The following AANAT variants were observed in gnomAD, a reference collection of about 807,000 sequenced individuals.
AANAT encodes serotonin N-acetyltransferase.
In AANAT, 11 loss-of-function variants were observed where a neutral mutation model predicts 15.6. The ratio of observed to expected loss-of-function variants is 0.71; its 90% confidence interval spans 0.44 to 1.17. The LOEUF (loss-of-function observed/expected upper bound fraction) is 1.17. Ranked by LOEUF, AANAT falls within the 50% of genes most tolerant of loss-of-function variation. The pLI is 0.00. For synonymous variants in AANAT, 139 were observed against 131.5 expected (o/e 1.06, Z -0.39); for missense variants, 286 against 296.3 (o/e 0.97, Z 0.26).
upstream of AANAT, among the ~76,000 whole-genome samples, chr17:76,463,295 T>A (rs1167922031): frequency 7.0e-6 from 1 of 142,118 alleles, no homozygotes; most frequent in Non-Finnish European, 1.5e-5. Context: ...CATTTCTCCC[T>A]TCTGGAAGGA....
At chr17:76,467,970 C>T (rs1319283427) in intron 1 of AANAT, among the ~76,000 whole-genome samples, 1 of 152,098 alleles carries the variant, frequency 6.6e-6, no homozygotes, top group Middle Eastern at 3.2e-3. Flanking sequence ...ATGCACTCTC[C>T]TTGCCTGCTC....
At chr17:76,453,422 G>A (rs2073299950) in exon 1 of AANAT, 1 of 281,416 alleles carries the variant, frequency 3.6e-6, no homozygotes, top group East Asian at 6.2e-5. Context: ...CGGGGACCCG[G>A]GAGGAGGAAG....
chr17:76,469,938 C>A lies in AANAT; in HGVS notation c.592C>A (p.His198Asn). The change falls in exon 4 of 4, where the codon CAC becomes AAC. Residue 198 changes from histidine (H) to asparagine (N), a missense_variant. Transcript: ENST00000392492. This position sits in a 1 kb window ranked among gnomAD's most constrained non-coding sequence, Gnocchi z 5.2. ...GGAGCTCCACTGCTCCCTGCGGGGC[C>A]ACCCCTTCCTGCGCAGGAACAGCGG... ...FMELHCSLRG[H>N]PFLRRNSGC The A allele has an allele frequency of 6.5e-7, 1 of 1,529,388 alleles. No homozygotes were observed. The highest frequency in any genetic ancestry group is 2.4e-5 in the East Asian group (1 of 41,416). 94.7% of individuals were successfully genotyped at this position (1,529,388 alleles called of 1,614,324 possible).
intron 2 of AANAT, among the ~76,000 whole-genome samples, chr17:76,461,156 T>G (rs1286556393): frequency 6.9e-6 from 1 of 145,800 alleles, no homozygotes; most frequent in African/African-American, 2.5e-5. Flanking sequence ...CAGAGTGAGA[T>G]TCCATCTTAA....
rs1377229966 is a variant in AANAT at position 76,469,312 on chromosome 17, GGA to G, written c.308_309del (p.Arg103ThrfsTer66). 6.2e-7 allele frequency: 1 copy of G among 1,614,042 alleles called. No individual in the cohort carries two copies. Among genetic ancestry groups the G allele is most frequent in the Non-Finnish European group, 8.5e-7 (1 of 1,180,026 alleles). The stretch of plus-strand genomic sequence containing the variant: ...TCATCATCGGCTCGCTCTGGGACAA[GGA>G]GAGACTCATGCAGGTGAGGACAGGG... ...AFIIGSLWDK[E>X]RLMQESLTLH... On this transcript the variant is annotated frameshift_variant, in exon 3 of 4. Coordinates refer to ENST00000392492, the MANE Select transcript of AANAT (RefSeq NM_001088.3). LOFTEE classifies it high-confidence loss of function. The surrounding 1 kb of genome is among the most constrained non-coding windows in gnomAD (Gnocchi z 5.2).
chr17:76,465,954 A>T, upstream of AANAT: 1 of 553,412 alleles, frequency 1.8e-6, no homozygotes, highest in Non-Finnish European at 3.3e-6. Flanking sequence ...GGCTCAAGCC[A>T]TCCTCCCGTC....
upstream of AANAT, chr17:76,465,844 TA>T (rs879737352): frequency 3.2e-5 from 10 of 308,096 alleles, no homozygotes; most frequent in Admixed American, 2.8e-4. Flanking sequence ...GCCTCATCTT[TA>T]AAAAAAATTT....
rs145733417 is a variant in AANAT, at chr17:76,468,976, C to A, written c.163+67C>A. 304 of 1,540,204 alleles carry A rather than the reference C, an allele frequency of 2.0e-4. 1 individual carries two copies. The highest frequency in any genetic ancestry group is 1.3e-3 in the Admixed American group (77 of 57,566). On this transcript the variant is annotated intron_variant, in intron 2 of 3. Coordinates refer to ENST00000392492, the MANE Select transcript of AANAT (RefSeq NM_001088.3). ...GTCCAGTTATCCTGTGGGGAGGAGA[C>A]CCTTAGTCTCCTGTCCTTGGAGGCT...
chr17:76,456,852 A>G (rs55684995), intron 1 of AANAT, among the ~76,000 whole-genome samples: 85,382 of 152,008 alleles, frequency 0.56, 25,385 homozygotes, highest in South Asian at 0.68. Context: ...CATTTTACCA[A>G]TGAAGAAATA....
rs1017496397 is a variant in AANAT at position 76,469,041 on chromosome 17, T to C, written c.163+132T>C. On this transcript the variant is annotated intron_variant, in intron 2 of 3. Transcript: ENST00000392492. The surrounding 1 kb of genome is among the most constrained non-coding windows in gnomAD (Gnocchi z 5.2). The stretch of plus-strand genomic sequence containing the variant: ...CAGACCATGTGTGCGCTCAAGAAAG[T>C]GGGGGAAACAGCAGCCCTAACCCCC... The C allele has an allele frequency of 8.0e-6, 12 of 1,494,418 alleles. No individual in the cohort carries two copies. The East Asian group carries it at 1.6e-4, about 20-fold the overall frequency. The allele number at this position is 1,494,418 out of a possible 1,614,324, so 92.6% of individuals were successfully genotyped here. A position where few individuals can be genotyped will look rare whatever the true frequency, so the allele number is the denominator to read the frequency against.
At chr17:76,456,676 A>G (rs927006893) in intron 1 of AANAT, among the ~76,000 whole-genome samples, 6 of 152,290 alleles carry the variant, frequency 3.9e-5, no homozygotes, top group Admixed American at 3.9e-4. Flanking sequence ...GCAGTAACAT[A>G]GTAGCTTCTG....
upstream of AANAT, chr17:76,466,328 T>A: frequency 9.9e-7 from 1 of 1,006,718 alleles, no homozygotes; most frequent in Non-Finnish European, 1.4e-6. Flanking sequence ...TGAGGGTCCC[T>A]TCTAGCAGGC....
chr17:76,465,342 G>A (rs1200619148), upstream of AANAT, among the ~76,000 whole-genome samples: 1 of 109,876 alleles, frequency 9.1e-6, no homozygotes, highest in Admixed American at 1.2e-4. Flanking sequence ...CCTGAGGTCA[G>A]GATTTTTTTT....
chr17:76,467,672 C>A lies in AANAT; in HGVS notation c.-131C>A, dbSNP rs985239101. 1 of 985,536 alleles carries A rather than the reference C, an allele frequency of 1.0e-6. No individual in the cohort carries two copies. Among genetic ancestry groups the A allele is most frequent in the East Asian group, 1.1e-4 (1 of 8,820 alleles). 61.0% of individuals were successfully genotyped at this position (985,536 alleles called of 1,614,324 possible). A position where few individuals can be genotyped will look rare whatever the true frequency, so the allele number is the denominator to read the frequency against. On this transcript the variant is annotated 5_prime_UTR_variant, in exon 1 of 4. Coordinates refer to ENST00000392492, the MANE Select transcript of AANAT (RefSeq NM_001088.3). ...ACTGGTTCCCGTGCCTGCGGACAGGCCCCCAGGGCTAGCGGCTTTGTGGAG... is the reference window on the plus strand; with the variant it reads ...ACTGGTTCCCGTGCCTGCGGACAGGACCCCAGGGCTAGCGGCTTTGTGGAG...
chr17:76,457,763 C>T (rs989464509), intron 1 of AANAT, among the ~76,000 whole-genome samples: 1 of 152,182 alleles, frequency 6.6e-6, no homozygotes, highest in African/African-American at 2.4e-5. Flanking sequence ...AGGCTAGGCC[C>T]ATACAGTGGC....
chr17:76,465,752 C>G, upstream of AANAT: 2 of 237,572 alleles, frequency 8.4e-6, no homozygotes, highest in Admixed American at 1.0e-4. Context: ...ACAAAGGTCC[C>G]AGCGATCACC....
rs771069631 is a variant in AANAT, at chr17:76,469,876, G to A, written c.530G>A (p.Gly177Asp). The change falls in exon 4 of 4, where the codon GGC becomes GAC. Residue 177 changes from glycine to aspartate, a missense_variant. Physicochemically the swap from Gly to Asp is moderately conservative, Grantham distance 94. Transcript: ENST00000392492. This position sits in a 1 kb window ranked among gnomAD's most constrained non-coding sequence, Gnocchi z 5.2. ...GAGAGGTTCAGCTTCCACGCCGTGG[G>A]CCCCTGCGCCATCACCGTGGGCTCC... Reference protein sequence around the residue: ...FYERFSFHAVGPCAITVGSLT... With the variant: ...FYERFSFHAVDPCAITVGSLT... The A allele has an allele frequency of 1.7e-5, 27 of 1,587,718 alleles. No individual in the cohort carries two copies. Among genetic ancestry groups the A allele is most frequent in the Non-Finnish European group, 2.0e-5 (23 of 1,168,554 alleles).
chr17:76,455,008 T>C (rs2143957471), intron 1 of AANAT, among the ~76,000 whole-genome samples: 1 of 152,080 alleles, frequency 6.6e-6, no homozygotes, highest in Non-Finnish European at 1.5e-5. Flanking sequence ...CCGCCTGTAA[T>C]CCCAGCTACT....
At chr17:76,464,059 G>A (rs935325288), upstream of AANAT, among the ~76,000 whole-genome samples, 29 of 152,272 alleles carry the variant, frequency 1.9e-4, no homozygotes, top group African/African-American at 6.3e-4. Flanking sequence ...CTGGAGTCCT[G>A]CCTGGGTGCG....
Sources: gnomAD v4.1 joint callset for allele counts (sites outside exome capture counted in the v4.1 genomes callset) on GRCh38, gnomAD v4.1.1 for gene constraint, Gnocchi (gnomAD v3.1) non-coding constraint, MANE v1.5 for transcripts, NCBI Gene and HGNC (gene_info 2026-07-23, HGNC 2026-07-21) for gene names.